Variants in ACLY observed in about 807,000 individuals in gnomAD.
The protein encoded by ACLY is ATP-citrate synthase.
In ACLY, 41 loss-of-function variants were observed where a neutral mutation model predicts 133.0. The ratio of observed to expected loss-of-function variants is 0.31; its 90% CI spans 0.24 to 0.40. ACLY has a LOEUF of 0.40. ACLY is among the 10% of genes least tolerant of loss of function. ACLY has a pLI of 1.00. For synonymous variants in ACLY, 495 were observed against 549.3 expected (o/e 0.90, Z 1.38); for missense variants, 1,046 against 1,453.8 (o/e 0.72, Z 4.56).
intron 25 of ACLY, among the ~76,000 whole-genome samples, chr17:41,871,224 A>G (rs1299939942): frequency 6.6e-6 from 1 of 152,236 alleles, no homozygotes; most frequent in African/African-American, 2.4e-5. Flanking sequence ...CATGGAAAAA[A>G]TAGCTGCTTT....
intron 15 of ACLY, 71 bp from the exon 16 acceptor site, chr17:41,892,518 A>T: frequency 7.1e-7 from 1 of 1,406,782 alleles, no homozygotes; most frequent in Non-Finnish European, 9.9e-7. Flanking sequence ...AGCTGAGGGG[A>T]GGAATTTCAC....
intron 22 of ACLY, among the ~76,000 whole-genome samples, chr17:41,875,333 A>G (rs2048707021): frequency 6.9e-6 from 1 of 144,624 alleles, no homozygotes; most frequent in South Asian, 2.3e-4. Flanking sequence ...TTCAGCAACA[A>G]AAGTGAAACT....
At chr17:41,897,915 C>A in intron 12 of ACLY, 76 bp from the exon 13 acceptor site, 2 of 1,314,444 alleles carry the variant, frequency 1.5e-6, no homozygotes, top group East Asian at 2.5e-5. Flanking sequence ...TTAAAGGCCC[C>A]AAAGAAAACT....
rs1650437192 is a variant in ACLY at position 41,917,776 on chromosome 17, T to C, written c.-24+1104A>G. 2.0e-5 allele frequency among the ~76,000 whole-genome samples: 3 copies of C among 152,068 alleles called. 1 individual carries two copies. The South Asian group carries it at 6.2e-4, about 32-fold the overall frequency. The stretch of plus-strand genomic sequence containing the variant: ...TCAGAACGGGGATGGAGCCATAAGC[T>C]GTCCAGTGTCTGAGGGGTCTTCCCA... On this transcript the variant is annotated intron_variant, in intron 1 of 28. Transcript: ENST00000352035.
chr17:41,875,243 G>A (rs1555625851), intron 22 of ACLY, among the ~76,000 whole-genome samples: 1 of 151,886 alleles, frequency 6.6e-6, no homozygotes, highest in African/African-American at 2.4e-5. Context: ...CCAGTTACTC[G>A]GGAGGCTAAG....
At chr17:41,904,225 A>AAAGG (rs2049629742) in intron 10 of ACLY, among the ~76,000 whole-genome samples, 1 of 65,834 alleles carries the variant, frequency 1.5e-5, no homozygotes, top group Non-Finnish European at 3.0e-5. Flanking sequence ...GGGAGGGAGG[A>AAAGG]AAGGAAGGAA....
chr17:41,887,769 G>A (rs879960282), intron 16 of ACLY, 66 bp from the exon 17 acceptor site: 12 of 1,316,622 alleles, frequency 9.1e-6, no homozygotes, highest in Admixed American at 5.2e-5. Flanking sequence ...AGACAGCACC[G>A]TTTAAGGGCC....
intron 8 of ACLY, 24 bp downstream of exon 8, chr17:41,906,504 C>T (rs782624035): frequency 2.5e-6 from 4 of 1,601,258 alleles, no homozygotes; most frequent in Non-Finnish European, 3.4e-6. Context: ...GGCTGGCATC[C>T]CTTCAGCAAC....
At chr17:41,895,421 C>G (rs1258862515) in intron 14 of ACLY, among the ~76,000 whole-genome samples, 2 of 152,152 alleles carry the variant, frequency 1.3e-5, no homozygotes, top group Non-Finnish European at 2.9e-5. Context: ...ACAGAGAAAC[C>G]AAAGCTGAAG....
chr17:41,883,786 T>C (rs1000463960), intron 19 of ACLY, among the ~76,000 whole-genome samples: 6 of 152,060 alleles, frequency 3.9e-5, no homozygotes, highest in Admixed American at 6.6e-5. Flanking sequence ...GGTTTCACCA[T>C]GTAGGCCACG....
In ACLY at chr17:41,867,574, C is replaced by A; in HGVS notation, c.*236G>T. On this transcript the variant is annotated 3_prime_UTR_variant, in exon 29 of 29. Coordinates refer to ENST00000352035, the MANE Select transcript of ACLY (RefSeq NM_001096.3). Reference sequence around the variant, plus strand: ...AATACAGCAGGTAGCAGAGCAAAGTCACAAATATTGGCTTGGTTTTTATTT... The same window carrying A: ...AATACAGCAGGTAGCAGAGCAAAGTAACAAATATTGGCTTGGTTTTTATTT... 1 of 324,844 alleles carries A rather than the reference C, an allele frequency of 3.1e-6. No homozygotes were observed. Among genetic ancestry groups the A allele is most frequent in the Non-Finnish European group, 5.6e-6 (1 of 178,114 alleles). 20.1% of individuals were successfully genotyped at this position (324,844 alleles called of 1,614,324 possible).
intron 16 of ACLY, among the ~76,000 whole-genome samples, chr17:41,887,938 G>A (rs1197176704): frequency 2.6e-5 from 4 of 152,038 alleles, no homozygotes; most frequent in Non-Finnish European, 5.9e-5. Context: ...GACCAGCCTG[G>A]CCAACGTAGC....
chr17:41,878,680 G>C, intron 21 of ACLY, 117 bp downstream of exon 21: 1 of 1,304,108 alleles, frequency 7.7e-7, no homozygotes, highest in Non-Finnish European at 1.1e-6. Flanking sequence ...CCATACAGCT[G>C]CGCTAGACAC....
At chr17:41,896,531 C>G (rs1555630395) in intron 14 of ACLY, 89 bp downstream of exon 14, 1 of 1,261,592 alleles carries the variant, frequency 7.9e-7, no homozygotes. Flanking sequence ...CTGCAACCCA[C>G]CAGGGGAGGG....
At chr17:41,892,976 GC>G (rs1392712422) in intron 15 of ACLY, 56 bp downstream of exon 15, 27 of 1,581,178 alleles carry the variant, frequency 1.7e-5, no homozygotes, top group Admixed American at 5.1e-5. Flanking sequence ...ACTGTGCCCA[GC>G]CCCAAGCTTT....
exon 1 of ACLY, chr17:41,930,462 G>T: frequency 2.5e-6 from 1 of 406,760 alleles, no homozygotes. Flanking sequence ...AGAGAGAACC[G>T]CCAGAGCGTG....
intron 14 of ACLY, among the ~76,000 whole-genome samples, chr17:41,894,106 C>T (rs62074958): frequency 0.3 from 44,889 of 151,444 alleles, 8,218 homozygotes; most frequent in South Asian, 0.49. Context: ...ATCCCAGCTA[C>T]TCAGGAGGCT....
intron 15 of ACLY, 70 bp downstream of exon 15, chr17:41,892,963 G>A (rs2049256279): frequency 1.3e-6 from 2 of 1,557,222 alleles, no homozygotes; most frequent in African/African-American, 1.3e-5. Context: ...ACAGGCATGA[G>A]CCACTGTGCC....
Position 41,869,043 on chromosome 17 carries a change from C to T in ACLY, c.3134G>A (p.Arg1045Gln), listed in dbSNP as rs1555624551. The T allele has an allele frequency of 6.2e-7, 1 of 1,610,272 alleles. No homozygotes were observed. Among genetic ancestry groups the T allele is most frequent in the Non-Finnish European group, 8.5e-7 (1 of 1,177,932 alleles). Reference protein sequence around the residue: ...DMLRNCGSFTREEADEYIDIG... With the variant: ...DMLRNCGSFTQEEADEYIDIG... ...AGAAGAAAACAGCTACAATGCTCACCGAGTAAAGGACCCACAGTTTCTAAG... is the reference window on the plus strand; with the variant it reads ...AGAAGAAAACAGCTACAATGCTCACTGAGTAAAGGACCCACAGTTTCTAAG... The change falls in exon 27 of 29, where the codon CGG (arginine) becomes CAG (glutamine). Residue 1045 changes from arginine to glutamine, a missense_variant and splice_region_variant. By Grantham distance (43) the Arg-to-Gln change is conservative (BLOSUM62 1). This residue lies in a region of ACLY where 205 missense variants were observed against 373.3 expected (regional missense o/e 0.55). Transcript: ENST00000352035.
Sources: gnomAD v4.1 joint callset for allele counts (sites outside exome capture counted in the v4.1 genomes callset) on GRCh38, gnomAD v4.1.1 for gene constraint, gnomAD v4.1.1 regional missense constraint, MANE v1.5 for transcripts, NCBI Gene and HGNC (gene_info 2026-07-23, HGNC 2026-07-21) for gene names.